Variants in ANO4 observed in about 807,000 individuals in gnomAD.
ANO4 encodes anoctamin 4, also known as anoctamin-4.
In ANO4, 69 loss-of-function variants were observed where a neutral mutation model predicts 141.9. The observed-to-expected ratio is 0.49, with a 90% CI of 0.40 to 0.59. ANO4 has a LOEUF of 0.59. ANO4 is among the 20% of genes least tolerant of loss of function. ANO4 has a pLI of 0.00. For missense variants in ANO4, 894 were observed against 1,162.2 expected (o/e 0.77, Z 3.36); for synonymous variants, 350 against 394.3 (o/e 0.89, Z 1.33).
intron 8 of ANO4, among the ~76,000 whole-genome samples, chr12:101,014,308 T>C (rs924648600): frequency 4.6e-5 from 7 of 152,130 alleles, no homozygotes; most frequent in African/African-American, 1.4e-4. Context: ...GCGCAGCGTA[T>C]TTATTTCTCA....
At chr12:100,721,896 T>C (rs1457883498) in intron 1 of ANO4, among the ~76,000 whole-genome samples, 1 of 151,622 alleles carries the variant, frequency 6.6e-6, no homozygotes, top group Admixed American at 6.6e-5. Context: ...TCTTGATATG[T>C]TTCCTAGGCT....
intron 3 of ANO4, among the ~76,000 whole-genome samples, chr12:100,754,167 A>G (rs1294048151): frequency 6.6e-6 from 1 of 152,220 alleles, no homozygotes; most frequent in Non-Finnish European, 1.5e-5. Context: ...TATCTAGCAA[A>G]GGAGGTGAAC....
At chr12:100,846,387 A>C (rs913061022) in intron 1 of ANO4, among the ~76,000 whole-genome samples, 3 of 152,230 alleles carry the variant, frequency 2.0e-5, no homozygotes, top group Non-Finnish European at 4.4e-5. Flanking sequence ...GTTTCCCCCA[A>C]TGGTAACATT....
At chr12:101,025,537 C>G (rs1431935521) in intron 9 of ANO4, among the ~76,000 whole-genome samples, 1 of 152,212 alleles carries the variant, frequency 6.6e-6, no homozygotes, top group Non-Finnish European at 1.5e-5. Context: ...TCAGCAAGTG[C>G]TGATCAGTGC....
rs185164070 is a variant in ANO4, at chr12:101,020,128, A to C, written c.829A>C (p.Lys277Gln). 9.3e-6 allele frequency: 15 copies of C among 1,604,490 alleles called. No homozygotes were observed. The African/African-American group carries it at 1.9e-4, about 20-fold the overall frequency. ...ILQRIKYEEG[K>Q]NKIGLNRLLT... ...ACAAAGAATAAAATATGAAGAAGGA[A>C]AAAACAAGATTGGTAAGTAGTATGT... The change falls in exon 9 of 28, where the codon AAA (lysine) becomes CAA (glutamine). Residue 277 changes from lysine (K) to glutamine (Q), a missense_variant. Coordinates refer to ENST00000392977, the MANE Select transcript of ANO4 (RefSeq NM_001286615.2).
In ANO4 at chr12:101,051,100, C is replaced by G. The variant is rs115230923; in HGVS notation, c.1312+2699C>G. Among the ~76,000 whole-genome samples the G allele has an allele frequency of 2.7e-3, 410 of 152,298 alleles. 2 individuals are homozygous for G. The highest frequency in any genetic ancestry group is 9.0e-3 in the African/African-American group (376 of 41,552). On this transcript the variant is annotated intron_variant, in intron 14 of 27. Coordinates refer to ENST00000392977, the MANE Select transcript of ANO4 (RefSeq NM_001286615.2). Reference sequence around the variant, plus strand: ...TGTATGATGACATTTGTTCATAAGGCAGAGGTTATTACTCTCCCCCACTAC... The same window carrying G: ...TGTATGATGACATTTGTTCATAAGGGAGAGGTTATTACTCTCCCCCACTAC...
chr12:100,860,320 G>A (rs2038403487), intron 1 of ANO4, among the ~76,000 whole-genome samples: 2 of 152,164 alleles, frequency 1.3e-5, no homozygotes, highest in African/African-American at 4.8e-5. Context: ...GGATTGTGAA[G>A]AGTTTCATTT....
At chr12:101,120,727 T>A (rs2051052689) in intron 26 of ANO4, 102 bp downstream of exon 26, 2 of 904,494 alleles carry the variant, frequency 2.2e-6, no homozygotes, top group Non-Finnish European at 3.5e-6. Flanking sequence ...TGATTATCTA[T>A]ATTTCCAGAA....
At chr12:100,974,952 G>A (rs1018566135) in intron 7 of ANO4, 63 bp downstream of exon 7, 6 of 1,563,678 alleles carry the variant, frequency 3.8e-6, no homozygotes, top group Non-Finnish European at 8.8e-7. Flanking sequence ...CTCCAACAAT[G>A]ACAAGGAGCT....
intron 3 of ANO4, among the ~76,000 whole-genome samples, chr12:100,747,603 G>A (rs889461223): frequency 1.3e-5 from 2 of 152,218 alleles, no homozygotes; most frequent in African/African-American, 2.4e-5. Flanking sequence ...GGCTGGGTGT[G>A]GTGGCTCACG....
At chr12:100,877,076 T>A (rs574792632) in intron 1 of ANO4, among the ~76,000 whole-genome samples, 1 of 151,854 alleles carries the variant, frequency 6.6e-6, no homozygotes, top group South Asian at 2.1e-4. Flanking sequence ...AAAATAAAAC[T>A]CATAGAAGCA....
In ANO4 at chr12:101,060,313, T is replaced by C. The variant is rs1399031388; in HGVS notation, c.1312+11912T>C. Among the ~76,000 whole-genome samples the C allele has an allele frequency of 2.6e-5, 4 of 152,318 alleles. No homozygotes were observed. The South Asian group carries it at 8.3e-4, about 32-fold the overall frequency. On this transcript the variant is annotated intron_variant, in intron 14 of 27. Coordinates refer to ENST00000392977, the MANE Select transcript of ANO4 (RefSeq NM_001286615.2). ...TTTTACTTCCAATTATGTGGTCAAT[T>C]TTAGAATAAGTGCAATGTAGTGCTG...
At chr12:100,968,655 G>T (rs925805944) in intron 5 of ANO4, among the ~76,000 whole-genome samples, 2 of 152,064 alleles carry the variant, frequency 1.3e-5, no homozygotes, top group South Asian at 2.1e-4. Context: ...TAAAGAAAAA[G>T]AACTATTTTT....
chr12:101,119,540 T>C (rs1243789544), intron 25 of ANO4, among the ~76,000 whole-genome samples: 1 of 152,126 alleles, frequency 6.6e-6, no homozygotes, highest in Admixed American at 6.6e-5. Flanking sequence ...ATAGTCACAC[T>C]AGAGTCTATT....
At chr12:100,929,032 A>G (rs1566021639) in intron 3 of ANO4, among the ~76,000 whole-genome samples, 1 of 152,080 alleles carries the variant, frequency 6.6e-6, no homozygotes, top group Non-Finnish European at 1.5e-5. Flanking sequence ...TACATGAAAT[A>G]TTTTGATACA....
intron 13 of ANO4, among the ~76,000 whole-genome samples, chr12:101,044,445 G>C (rs1288550090): frequency 6.6e-6 from 1 of 152,128 alleles, no homozygotes; most frequent in Non-Finnish European, 1.5e-5. Context: ...CTTAGGTGGT[G>C]GTGTCCATAA....
chr12:100,953,988 T>C (rs1376118877), intron 5 of ANO4, among the ~76,000 whole-genome samples: 1 of 152,138 alleles, frequency 6.6e-6, no homozygotes, highest in Non-Finnish European at 1.5e-5. Context: ...CGAGCAGTGT[T>C]GGGATTTTGG....
intron 5 of ANO4, among the ~76,000 whole-genome samples, chr12:100,960,303 T>C (rs1044586211): frequency 1.3e-5 from 2 of 152,182 alleles, no homozygotes; most frequent in Admixed American, 6.5e-5. Context: ...AGGGTAGTTA[T>C]ATCAGCATTA....
At chr12:101,113,992 C>G (rs2050758209) in intron 24 of ANO4, among the ~76,000 whole-genome samples, 1 of 152,094 alleles carries the variant, frequency 6.6e-6, no homozygotes, top group Admixed American at 6.6e-5. Flanking sequence ...CACAGGAAAC[C>G]CTTCGTCTGT....
Sources: gnomAD v4.1 joint callset for allele counts (sites outside exome capture counted in the v4.1 genomes callset) on GRCh38, gnomAD v4.1.1 for gene constraint, MANE v1.5 for transcripts, NCBI Gene and HGNC (gene_info 2026-07-23, HGNC 2026-07-21) for gene names.